The following VWDE variants were observed in gnomAD, a reference collection of about 807,000 sequenced individuals.
VWDE encodes the protein von Willebrand factor D and EGF domain-containing protein.
In VWDE, 207 loss-of-function variants were observed where a neutral mutation model predicts 178.4. The ratio of observed to expected loss-of-function variants is 1.16; its 90% confidence interval spans 1.04 to 1.30. The LOEUF (loss-of-function observed/expected upper bound fraction) is 1.30, where lower values mean the gene tolerates loss of function less well. Ranked by LOEUF, VWDE falls within the 50% of genes most tolerant of loss-of-function variation. The pLI is 0.00. For synonymous variants in VWDE, 738 were observed against 651.4 expected, an observed-to-expected ratio of 1.13 and a Z score of -2.02; for missense variants, 2,287 against 1,901.3, an observed-to-expected ratio of 1.20 and a Z score of -3.77.
chr7:12,331,225 T>A (rs1380119106), intron 28 of VWDE, 28 bp from the exon 29 acceptor site: 3 of 1,534,960 alleles, frequency 2.0e-6, no homozygotes, highest in Admixed American at 4.0e-5. Flanking sequence ...AAATTGTGTT[T>A]CAATGAATAG....
At chr7:12,392,851 C>T (rs560193981) in intron 2 of VWDE, among the ~76,000 whole-genome samples, 4 of 147,234 alleles carry the variant, frequency 2.7e-5, no homozygotes, top group Admixed American at 6.8e-5. Context: ...ATGTACAAAA[C>T]CTTTTTAATT....
chr7:12,344,503 C>T (rs536789782), intron 19 of VWDE, 34 bp from the exon 20 acceptor site: 30 of 1,495,194 alleles, frequency 2.0e-5, no homozygotes, highest in Admixed American at 1.2e-4. Flanking sequence ...AGGTTGATTG[C>T]TAAAACAGAA....
chr7:12,362,001 G>A (rs1782605933), intron 13 of VWDE, among the ~76,000 whole-genome samples: 1 of 151,916 alleles, frequency 6.6e-6, no homozygotes, highest in Non-Finnish European at 1.5e-5. Flanking sequence ...TGCTTGACTG[G>A]TGCAGGGGCG....
At chr7:12,364,985 C>T (rs535604276) in intron 13 of VWDE, among the ~76,000 whole-genome samples, 38 of 152,060 alleles carry the variant, frequency 2.5e-4, no homozygotes, top group African/African-American at 8.9e-4. Context: ...CTCAATCTAA[C>T]CATAAAAAAG....
chr7:12,349,433 C>A (rs1033590576), intron 19 of VWDE, among the ~76,000 whole-genome samples: 1 of 150,614 alleles, frequency 6.6e-6, no homozygotes, highest in Non-Finnish European at 1.5e-5. Context: ...CTAAAAGAGA[C>A]TATGAGTTCA....
At position 12,369,610 on chromosome 7, in the gene VWDE, TG is replaced by T; in HGVS notation, c.2695del (p.Gln899SerfsTer45). The part of the protein sequence containing the change: ...KCPNLCSGNG[Q>X]CMEWGCACSP... The stretch of plus-strand genomic sequence containing the variant: ...ACACGCACACCCCCATTCCATGCAC[TG>T]CCCATTGCCGCTGCATAAATTGGGG... On this transcript the variant is annotated frameshift_variant, in exon 12 of 29. Coordinates refer to ENST00000275358, the MANE Select transcript of VWDE (RefSeq NM_001135924.3). LOFTEE classifies it high-confidence loss of function. 6.4e-7 allele frequency: 1 copy of T among 1,551,402 alleles called. No individual in the cohort carries two copies. Among genetic ancestry groups the T allele is most frequent in the Non-Finnish European group, 8.7e-7 (1 of 1,146,760 alleles).
At chr7:12,393,414 A>G (rs1206836639) in intron 2 of VWDE, among the ~76,000 whole-genome samples, 180 bp downstream of exon 2, 2 of 152,244 alleles carry the variant, frequency 1.3e-5, no homozygotes, top group Non-Finnish European at 2.9e-5. Flanking sequence ...CATGGAGCAT[A>G]ACACTAACAA....
chr7:12,386,954 T>C (rs1312091742), intron 3 of VWDE, among the ~76,000 whole-genome samples: 1 of 152,202 alleles, frequency 6.6e-6, no homozygotes, highest in Non-Finnish European at 1.5e-5. Context: ...TTATTATACT[T>C]GTGGAATACT....
chr7:12,393,971 C>T (rs918926021), intron 1 of VWDE, among the ~76,000 whole-genome samples, 193 bp from the exon 2 acceptor site: 3 of 152,064 alleles, frequency 2.0e-5, no homozygotes, highest in Non-Finnish European at 2.9e-5. Flanking sequence ...TTCATAAATG[C>T]GATAAACAAA....
At chr7:12,394,426 G>C (rs1347710076) in intron 1 of VWDE, among the ~76,000 whole-genome samples, 1 of 152,116 alleles carries the variant, frequency 6.6e-6, no homozygotes, top group Non-Finnish European at 1.5e-5. Flanking sequence ...AAAAGCCCAT[G>C]GCGAAAGGGA....
At chr7:12,363,545 C>A (rs571060697) in intron 13 of VWDE, among the ~76,000 whole-genome samples, 105 of 151,694 alleles carry the variant, frequency 6.9e-4, no homozygotes, top group African/African-American at 2.4e-3. Flanking sequence ...ACTACTAATA[C>A]AAAAGTAGAA....
At chr7:12,365,158 C>CA (rs562953542) in intron 13 of VWDE, among the ~76,000 whole-genome samples, 14 of 151,884 alleles carry the variant, frequency 9.2e-5, no homozygotes, top group Non-Finnish European at 1.9e-4. Flanking sequence ...AGAAACATGA[C>CA]AAAATGCAGT....
In VWDE at chr7:12,396,441, C is replaced by G. The variant is rs187389542; in HGVS notation, c.59-2663G>C. ...GTATATTATCCTACAGGAATTCCTA[C>G]AGGAATTTCAAGTATTTTTTTAGTC... On this transcript the variant is annotated intron_variant, in intron 1 of 28. Coordinates refer to ENST00000275358, the MANE Select transcript of VWDE (RefSeq NM_001135924.3). Among the ~76,000 whole-genome samples the G allele has an allele frequency of 7.2e-5, 11 of 152,266 alleles. No individual in the cohort carries two copies. The South Asian group carries it at 1.4e-3, about 20-fold the overall frequency.
intron 1 of VWDE, among the ~76,000 whole-genome samples, chr7:12,402,051 C>T (rs968129914): frequency 6.6e-6 from 1 of 152,082 alleles, no homozygotes; most frequent in Non-Finnish European, 1.5e-5. Context: ...CAAAAGACAA[C>T]CTATTATATG....
At chr7:12,400,259 G>C (rs545574724) in intron 1 of VWDE, among the ~76,000 whole-genome samples, 1 of 152,126 alleles carries the variant, frequency 6.6e-6, no homozygotes, top group East Asian at 1.9e-4. Flanking sequence ...AAAAACAATA[G>C]AGAAAAATCA....
At chr7:12,364,247 A>G (rs1283150777) in intron 13 of VWDE, among the ~76,000 whole-genome samples, 1 of 152,082 alleles carries the variant, frequency 6.6e-6, no homozygotes, top group Non-Finnish European at 1.5e-5. Flanking sequence ...TAGATTTTCT[A>G]ACTGTATCCA....
intron 3 of VWDE, chr7:12,388,830 A>C: frequency 3.9e-6 from 2 of 510,780 alleles, no homozygotes; most frequent in Middle Eastern, 6.0e-4. Flanking sequence ...TTTAATTAAA[A>C]CAGGAATGGA....
Position 12,334,043 on chromosome 7 carries a change from T to C in VWDE, c.4655-475A>G, listed in dbSNP as rs926206900. ...ATAACTACTGAAAATTTCTGAAAGA[T>C]ACTCATGCTGTCTATATCATACATT... On this transcript the variant is annotated intron_variant, in intron 27 of 28. Coordinates refer to ENST00000275358, the MANE Select transcript of VWDE (RefSeq NM_001135924.3). 4.7e-4 allele frequency among the ~76,000 whole-genome samples: 71 copies of C among 152,160 alleles called. 1 individual carries two copies. Among genetic ancestry groups the C allele is most frequent in the African/African-American group, 1.7e-3 (69 of 41,462 alleles).
intron 27 of VWDE, among the ~76,000 whole-genome samples, chr7:12,334,717 C>T (rs1367485293): frequency 1.3e-5 from 2 of 152,192 alleles, no homozygotes; most frequent in Non-Finnish European, 2.9e-5. Flanking sequence ...AAACAGGGTG[C>T]ACAGCTTCAG....
Sources: gnomAD v4.1 joint callset for allele counts (sites outside exome capture counted in the v4.1 genomes callset) on GRCh38, gnomAD v4.1.1 for gene constraint, MANE v1.5 for transcripts, NCBI Gene and HGNC (gene_info 2026-07-23, HGNC 2026-07-21) for gene names.